OSBPL11: variants seen among roughly 807,000 people sequenced by gnomAD.
OSBPL11 encodes the protein oxysterol-binding protein-related protein 11.
In OSBPL11, 33 loss-of-function variants were observed where a neutral mutation model predicts 84.4. That is an observed-to-expected ratio of 0.39 (90% CI 0.30 to 0.52). The LOEUF is 0.52. OSBPL11 is among the 20% of genes least tolerant of loss of function. The pLI, the probability that OSBPL11 is intolerant of heterozygous loss-of-function variation, is 0.72. For missense variants in OSBPL11, 736 were observed against 901.1 expected, an observed-to-expected ratio of 0.82 and a Z score of 2.35; for synonymous variants, 276 against 310.2, an observed-to-expected ratio of 0.89 and a Z score of 1.16.
At position 125,531,990 on chromosome 3, in the gene OSBPL11, G is replaced by A. The variant is rs181679515; in HGVS notation, c.2049C>T (p.Asp683=). Residue 683 remains aspartate (D), a synonymous_variant, in exon 12 of 13, where the codon GAC becomes GAT. Transcript: ENST00000296220. The part of the protein sequence containing the change: ...ESRRLWKNVT[D]SLRESEIDKA... ...TATCAATTTCAGATTCTCTCAGCGA[G>A]TCTGTCACATTTTTCCACAATCGCC... 3 of 1,606,552 alleles carry A rather than the reference G, an allele frequency of 1.9e-6. No homozygotes were observed. Among genetic ancestry groups the A allele is most frequent in the Non-Finnish European group, 2.5e-6 (3 of 1,178,162 alleles).
intron 4 of OSBPL11, among the ~76,000 whole-genome samples, chr3:125,576,723 A>T (rs1358504413): frequency 1.3e-5 from 2 of 151,096 alleles, no homozygotes; most frequent in Non-Finnish European, 2.9e-5. Context: ...TCACACTGTC[A>T]CCCAGGCTGG....
chr3:125,551,777 C>CA (rs200999064), intron 9 of OSBPL11, among the ~76,000 whole-genome samples: 3,705 of 149,018 alleles, frequency 0.025, 136 homozygotes, highest in African/African-American at 0.086. Context: ...GACTCCATCT[C>CA]AAAAAAAAGA....
chr3:125,530,085 T>C lies in OSBPL11; in HGVS notation c.*430A>G, dbSNP rs1180447257. 1 of 164,252 alleles carries C rather than the reference T, an allele frequency of 6.1e-6. No homozygotes were observed. Among genetic ancestry groups the C allele is most frequent in the Non-Finnish European group, 1.3e-5 (1 of 74,318 alleles). 10.2% of individuals were successfully genotyped at this position (164,252 alleles called of 1,614,324 possible). A position where few individuals can be genotyped will look rare whatever the true frequency, so the allele number is the denominator to read the frequency against. ...CCTCTTGGTTGGTTTACAAGAGTAG[T>C]GAATACTTCAGTTATGGACAGAAAG... On this transcript the variant is annotated 3_prime_UTR_variant, in exon 13 of 13. Coordinates refer to ENST00000296220, the MANE Select transcript of OSBPL11 (RefSeq NM_022776.5).
At chr3:125,539,797 A>G (rs1280242580) in intron 10 of OSBPL11, among the ~76,000 whole-genome samples, 3 of 152,296 alleles carry the variant, frequency 2.0e-5, no homozygotes, top group East Asian at 1.9e-4. Flanking sequence ...GGACACAGAT[A>G]ACAACAGGGT....
intron 8 of OSBPL11, among the ~76,000 whole-genome samples, 186 bp downstream of exon 8, chr3:125,560,193 G>A (rs1936054022): frequency 6.6e-6 from 1 of 152,112 alleles, no homozygotes; most frequent in African/African-American, 2.4e-5. Context: ...CCCAGGAAGT[G>A]GAGGTTGCAG....
chr3:125,538,680 T>C, intron 10 of OSBPL11, 47 bp from the exon 11 acceptor site: 1 of 1,511,596 alleles, frequency 6.6e-7, no homozygotes, highest in Admixed American at 2.1e-5. Flanking sequence ...AGTGATATCA[T>C]GTTTGTTTCT....
rs139863565 is a variant in OSBPL11, at chr3:125,534,297, C to A, written c.2025-2283G>T. 8.0e-4 allele frequency among the ~76,000 whole-genome samples: 121 copies of A among 151,852 alleles called. 1 individual carries two copies. In the East Asian group the frequency reaches 0.02, roughly 25 times the overall value. The stretch of plus-strand genomic sequence containing the variant: ...ACTCGGGAGGCTGAGGCATGAGAAT[C>A]GCTTGAACCAGGGAGGTGGAGGTTG... On this transcript the variant is annotated intron_variant, in intron 11 of 12. Transcript: ENST00000296220.
intron 5 of OSBPL11, among the ~76,000 whole-genome samples, chr3:125,569,015 AC>A (rs914570710): frequency 2.0e-5 from 3 of 151,984 alleles, no homozygotes; most frequent in African/African-American, 7.2e-5. Context: ...TGGTGCAATC[AC>A]GGCTCACTGT....
chr3:125,558,449 GTTTC>G (rs1559840720), intron 8 of OSBPL11, among the ~76,000 whole-genome samples: 1 of 152,076 alleles, frequency 6.6e-6, no homozygotes, highest in African/African-American at 2.4e-5. Flanking sequence ...AGCTTTATGG[GTTTC>G]TTTATTAATT....
intron 11 of OSBPL11, 48 bp downstream of exon 11, chr3:125,538,403 G>T (rs780806973): frequency 2.9e-5 from 45 of 1,558,246 alleles, no homozygotes; most frequent in Non-Finnish European, 3.8e-5. Flanking sequence ...CTTAGATTAA[G>T]ATGCAGAGCA....
At chr3:125,538,372 G>A (rs1198457490) in intron 11 of OSBPL11, 79 bp downstream of exon 11, 1 of 1,390,524 alleles carries the variant, frequency 7.2e-7, no homozygotes, top group African/African-American at 1.4e-5. Flanking sequence ...ACTTGGCCAA[G>A]GTCACCAGTT....
rs571045229 is a variant in OSBPL11, at chr3:125,566,681, G to C, written c.868+713C>G. 5.9e-5 allele frequency among the ~76,000 whole-genome samples: 9 copies of C among 152,166 alleles called. No individual in the cohort carries two copies. In the South Asian group the frequency reaches 1.9e-3, roughly 32 times the overall value. On this transcript the variant is annotated intron_variant, in intron 6 of 12. Coordinates refer to ENST00000296220, the MANE Select transcript of OSBPL11 (RefSeq NM_022776.5). ...CAATGTGATGAGCATCTTATTTATA[G>C]AAAGACTCATTTTTTGTAGTCCCGT...
chr3:125,576,498 G>A lies in OSBPL11; in HGVS notation c.490-133C>T, dbSNP rs1936326137. Reference sequence around the variant, plus strand: ...AAATTAACTTCAGAATTGACTATGAGAACATTTCCAAAGATAAAAATCTGA... The same window carrying A: ...AAATTAACTTCAGAATTGACTATGAAAACATTTCCAAAGATAAAAATCTGA... On this transcript the variant is annotated intron_variant, in intron 4 of 12. Transcript: ENST00000296220. 9.9e-6 allele frequency: 6 copies of A among 605,526 alleles called. No individual in the cohort carries two copies. In the South Asian group the frequency reaches 1.8e-4, roughly 18 times the overall value. 37.5% of individuals were successfully genotyped at this position (605,526 alleles called of 1,614,324 possible). A position where few individuals can be genotyped will look rare whatever the true frequency, so the allele number is the denominator to read the frequency against.
chr3:125,555,900 C>T (rs1261975595), intron 8 of OSBPL11, among the ~76,000 whole-genome samples: 2 of 152,126 alleles, frequency 1.3e-5, no homozygotes, highest in East Asian at 3.9e-4. Flanking sequence ...CCAGGCTGGT[C>T]TCAAACTCCT....
chr3:125,575,913 C>A (rs192013383), intron 5 of OSBPL11, among the ~76,000 whole-genome samples: 2 of 150,858 alleles, frequency 1.3e-5, no homozygotes, highest in Non-Finnish European at 2.9e-5. Flanking sequence ...CCCTTTTGAT[C>A]ATAAAATTTA....
At chr3:125,535,038 A>G (rs1016825256) in intron 11 of OSBPL11, among the ~76,000 whole-genome samples, 1 of 151,178 alleles carries the variant, frequency 6.6e-6, no homozygotes, top group African/African-American at 2.4e-5. Flanking sequence ...AAATTCAATG[A>G]GAAAGAAAAC....
In OSBPL11 at chr3:125,595,265, G is replaced by C. The variant is rs1217580030; in HGVS notation, c.-465C>G. 6.6e-6 allele frequency among the ~76,000 whole-genome samples: 1 copy of C among 152,138 alleles called. No individual in the cohort carries two copies. The highest frequency in any genetic ancestry group is 2.4e-5 in the African/African-American group (1 of 41,444). On this transcript the variant is annotated 5_prime_UTR_variant, in exon 1 of 13. Coordinates refer to ENST00000296220, the MANE Select transcript of OSBPL11 (RefSeq NM_022776.5). ...GCAGTGCGTCCAGTCAAGCCCGCTCGGCAGTTCCCGCCGCAGCCCCCGAGA... is the reference window on the plus strand; with the variant it reads ...GCAGTGCGTCCAGTCAAGCCCGCTCCGCAGTTCCCGCCGCAGCCCCCGAGA...
rs78044171 is a variant in OSBPL11 at position 125,552,656 on chromosome 3, T to C, written c.1179A>G (p.Leu393=). Residue 393 remains leucine (L), a synonymous_variant, in exon 9 of 13, where the codon CTA becomes CTG. Coordinates refer to ENST00000296220, the MANE Select transcript of OSBPL11 (RefSeq NM_022776.5). ...ACATTTCCAGCAAGGAACGCTTCTC[T>C]AGGATAAATGTAGGAAGCACCACCT... is the stretch of plus-strand genomic sequence containing the variant. ...LTRVVLPTFI[L]EKRSLLEMYA... 2,793 of 1,613,004 alleles carry C rather than the reference T, an allele frequency of 1.7e-3. 19 individuals carry two copies. In the African/African-American group the frequency reaches 0.022, roughly 13 times the overall value.
intron 6 of OSBPL11, among the ~76,000 whole-genome samples, chr3:125,566,714 C>T (rs1303473808): frequency 1.3e-5 from 2 of 151,966 alleles, no homozygotes; most frequent in African/African-American, 4.8e-5. Flanking sequence ...CGTGCAATAA[C>T]ATTTCCCTAG....
Sources: gnomAD v4.1 joint callset for allele counts (sites outside exome capture counted in the v4.1 genomes callset) on GRCh38, gnomAD v4.1.1 for gene constraint, MANE v1.5 for transcripts, NCBI Gene and HGNC (gene_info 2026-07-23, HGNC 2026-07-21) for gene names.